Variants in CDH18 observed in about 807,000 individuals in gnomAD.
CDH18 encodes cadherin-18.
CDH18 carries 31 observed loss-of-function variants against 67.9 expected under a neutral mutation model. The ratio of observed to expected loss-of-function variants is 0.46; its 90% CI spans 0.34 to 0.62. The LOEUF (loss-of-function observed/expected upper bound fraction) is 0.62. CDH18 is among the 20% of genes least tolerant of loss of function. The pLI is 0.01. For missense variants in CDH18, 890 were observed against 975.5 expected, an observed-to-expected ratio of 0.91 and a Z score of 1.17; for synonymous variants, 362 against 347.2, an observed-to-expected ratio of 1.04 and a Z score of -0.48.
At chr5:19,699,245 T>C (rs1312940761) in intron 5 of CDH18, among the ~76,000 whole-genome samples, 1 of 152,170 alleles carries the variant, frequency 6.6e-6, no homozygotes, top group Non-Finnish European at 1.5e-5. Flanking sequence ...TTATATATCC[T>C]CATCCATATT....
chr5:20,467,184 G>A (rs1216968693), intron 1 of CDH18, among the ~76,000 whole-genome samples: 2 of 152,044 alleles, frequency 1.3e-5, no homozygotes, highest in Admixed American at 1.3e-4. Flanking sequence ...CAATTTAAAT[G>A]TGAATATATT....
chr5:19,591,786 A>G (rs1745186030), intron 6 of CDH18, among the ~76,000 whole-genome samples: 1 of 152,104 alleles, frequency 6.6e-6, no homozygotes, highest in Non-Finnish European at 1.5e-5. Flanking sequence ...ATATTTCTTT[A>G]GCATAAATTC....
At chr5:20,532,659 T>C (rs1756478869) in intron 1 of CDH18, among the ~76,000 whole-genome samples, 1 of 152,066 alleles carries the variant, frequency 6.6e-6, no homozygotes, top group South Asian at 2.1e-4. Context: ...TTAGTATACC[T>C]CTAATATTTG....
At chr5:19,852,999 A>G (rs561754615) in intron 2 of CDH18, among the ~76,000 whole-genome samples, 3 of 152,244 alleles carry the variant, frequency 2.0e-5, no homozygotes, top group African/African-American at 7.2e-5. Flanking sequence ...AATGAGTACA[A>G]GATTGTGAAA....
intron 2 of CDH18, among the ~76,000 whole-genome samples, chr5:19,933,199 C>T (rs911221060): frequency 6.6e-6 from 1 of 151,382 alleles, no homozygotes. Flanking sequence ...AAGAGACAAC[C>T]ATAAGTGAAA....
intron 2 of CDH18, among the ~76,000 whole-genome samples, chr5:20,088,318 T>C (rs1745145589): frequency 6.6e-6 from 1 of 152,224 alleles, no homozygotes; most frequent in South Asian, 2.1e-4. Context: ...TTTGGAGAAC[T>C]GACAAAGGGA....
chr5:20,311,964 G>A (rs1168662179), intron 1 of CDH18, among the ~76,000 whole-genome samples: 1 of 152,052 alleles, frequency 6.6e-6, no homozygotes, highest in Non-Finnish European at 1.5e-5. Flanking sequence ...CCTATTTGCT[G>A]AACACATGGC....
chr5:19,853,374 C>T (rs1240390634), intron 2 of CDH18, among the ~76,000 whole-genome samples: 1 of 152,042 alleles, frequency 6.6e-6, no homozygotes, highest in African/African-American at 2.4e-5. Context: ...TAATTACTTG[C>T]TTAGAGGCCC....
chr5:19,812,717 G>T (rs946491645), intron 3 of CDH18, among the ~76,000 whole-genome samples: 1 of 152,144 alleles, frequency 6.6e-6, no homozygotes, highest in Non-Finnish European at 1.5e-5. Flanking sequence ...TTACACTGTT[G>T]GTGGGAGTGT....
chr5:19,562,354 CTT>C (rs959408671), intron 8 of CDH18, among the ~76,000 whole-genome samples: 2 of 151,908 alleles, frequency 1.3e-5, no homozygotes, highest in East Asian at 3.8e-4. Flanking sequence ...AAATCTCTCT[CTT>C]TTTTTTGCTG....
At chr5:19,826,683 TAA>T (rs1780438683) in intron 3 of CDH18, among the ~76,000 whole-genome samples, 3 of 152,158 alleles carry the variant, frequency 2.0e-5, no homozygotes, top group Admixed American at 2.0e-4. Flanking sequence ...AAGCAAATGC[TAA>T]GAGAATTTGT....
chr5:20,555,090 T>G (rs1757825597), intron 1 of CDH18, among the ~76,000 whole-genome samples: 1 of 152,108 alleles, frequency 6.6e-6, no homozygotes, highest in Admixed American at 6.6e-5. Flanking sequence ...GGGAGGTAAT[T>G]AAGTTTAAAT....
At chr5:19,956,120 T>C (rs969680482) in intron 2 of CDH18, among the ~76,000 whole-genome samples, 1 of 151,956 alleles carries the variant, frequency 6.6e-6, no homozygotes, top group Admixed American at 6.6e-5. Flanking sequence ...GTAAGAAACA[T>C]GTACTTTAAA....
At chr5:20,089,101 T>A (rs1745215966) in intron 2 of CDH18, among the ~76,000 whole-genome samples, 1 of 151,902 alleles carries the variant, frequency 6.6e-6, no homozygotes. Flanking sequence ...TAAAAAGATC[T>A]TCTGAAAAAA....
chr5:19,784,704 T>C (rs183158685), intron 3 of CDH18, among the ~76,000 whole-genome samples: 14 of 152,284 alleles, frequency 9.2e-5, no homozygotes, highest in African/African-American at 3.4e-4. Flanking sequence ...AAAGTAATCT[T>C]ACTTCATTTT....
At chr5:20,285,564 A>G (rs554504572) in intron 1 of CDH18, among the ~76,000 whole-genome samples, 1 of 151,470 alleles carries the variant, frequency 6.6e-6, no homozygotes, top group Non-Finnish European at 1.5e-5. Context: ...TGTATAAATA[A>G]AGTGTATTTA....
intron 5 of CDH18, among the ~76,000 whole-genome samples, chr5:19,683,747 C>A (rs886528298): frequency 6.6e-6 from 1 of 152,140 alleles, no homozygotes; most frequent in South Asian, 2.1e-4. Context: ...CTTGAAACAT[C>A]ATCTGTAAGA....
intron 2 of CDH18, among the ~76,000 whole-genome samples, chr5:19,860,544 T>C (rs1239165146): frequency 6.6e-6 from 1 of 151,850 alleles, no homozygotes; most frequent in Non-Finnish European, 1.5e-5. Flanking sequence ...TTTATATTGG[T>C]CTGACTTGTC....
intron 10 of CDH18, among the ~76,000 whole-genome samples, chr5:19,511,184 G>A (rs938246952): frequency 6.6e-6 from 1 of 152,076 alleles, no homozygotes; most frequent in African/African-American, 2.4e-5. Context: ...TCTGAAGAAG[G>A]TGCCTTGCTT....
Sources: allele counts gnomAD v4.1 joint callset (sites outside exome capture counted in the v4.1 genomes callset), GRCh38; gene constraint gnomAD v4.1.1; transcripts MANE v1.5; gene names NCBI Gene and HGNC (gene_info 2026-07-23, HGNC 2026-07-21).